BTD: variants seen among roughly 807,000 people sequenced by gnomAD.
BTD encodes biocytinase.
BTD carries 13 observed loss-of-function variants against 17.7 expected under a neutral mutation model. That is an observed-to-expected ratio of 0.74 (90% CI 0.48 to 1.17). The LOEUF (loss-of-function observed/expected upper bound fraction) is 1.17. Ranked by LOEUF, BTD falls within the 50% of genes most tolerant of loss-of-function variation. BTD has a pLI of 0.00. For missense variants in BTD, 674 were observed against 650.4 expected (o/e 1.04, Z -0.39); for synonymous variants, 240 against 245.2 (o/e 0.98, Z 0.20).
At chr3:15,614,120 TCTTTC>T (rs1204756892) in intron 1 of BTD, among the ~76,000 whole-genome samples, 4 of 142,552 alleles carry the variant, frequency 2.8e-5, no homozygotes, top group African/African-American at 1.2e-4. Flanking sequence ...CCTCTTTCTT[TCTTTC>T]TTTTTTTTTT....
At chr3:15,691,335 G>A (rs997564737) in intron 3 of BTD, among the ~76,000 whole-genome samples, 9 of 152,072 alleles carry the variant, frequency 5.9e-5, no homozygotes, top group Admixed American at 5.2e-4. Context: ...ATGTTGGCCA[G>A]GATGGTCTCG....
chr3:15,707,864 T>C (rs1205317105), intron 3 of BTD: 12 of 1,562,342 alleles, frequency 7.7e-6, no homozygotes, highest in African/African-American at 2.7e-5. Context: ...AAAACATCCA[T>C]ATGGAAGATG....
intron 4 of BTD, among the ~76,000 whole-genome samples, chr3:15,720,308 A>C (rs1575376586): frequency 6.6e-6 from 1 of 152,308 alleles, no homozygotes; most frequent in East Asian, 1.9e-4. Flanking sequence ...AGATCTGTAG[A>C]GTGAACATCC....
intron 4 of BTD, chr3:15,720,875 G>T: frequency 6.4e-7 from 1 of 1,566,004 alleles, no homozygotes; most frequent in South Asian, 1.1e-5. Flanking sequence ...TTTTAACAGT[G>T]ACATATGAAA....
chr3:15,690,888 A>G (rs1181475105), intron 3 of BTD, among the ~76,000 whole-genome samples: 1 of 152,106 alleles, frequency 6.6e-6, no homozygotes, highest in Non-Finnish European at 1.5e-5. Flanking sequence ...GTTCTTAATC[A>G]CAGTTCAGTG....
In BTD at chr3:15,644,806, T is replaced by C. The variant is rs946578169; in HGVS notation, c.890T>C (p.Leu297Pro). 1 of 1,614,102 alleles carries C rather than the reference T, an allele frequency of 6.2e-7. No individual in the cohort carries two copies. The highest frequency in any genetic ancestry group is 1.1e-5 in the South Asian group (1 of 91,084). Residue 297 changes from leucine (L) to proline (P), a missense_variant, in exon 4 of 4, where the codon CTG (leucine) becomes CCG (proline). Physicochemically the swap from Leu to Pro is moderately conservative, Grantham distance 98. Coordinates refer to ENST00000643237, the MANE Select transcript of BTD (RefSeq NM_001370658.1). ...GMTGSGIHTP[L>P]ESFWYHDMEN... ...ACAGGAAGTGGCATACACACCCCTC[T>C]GGAGTCCTTTTGGTACCATGACATG...
chr3:15,653,200 T>C lies in BTD; in HGVS notation c.*7712T>C, dbSNP rs777170308. On this transcript the variant is annotated 3_prime_UTR_variant, in exon 4 of 4. Transcript: ENST00000643237. Reference sequence around the variant, plus strand: ...ACCCCAGATCAACTTAATCGGACTCTCTGGGAGTAGGGCCCATCAATCTGT... The same window carrying C: ...ACCCCAGATCAACTTAATCGGACTCCCTGGGAGTAGGGCCCATCAATCTGT... Among the ~76,000 whole-genome samples, 1 of 152,250 alleles carries C rather than the reference T, an allele frequency of 6.6e-6. No homozygotes were observed. The highest frequency in any genetic ancestry group is 1.5e-5 in the Non-Finnish European group (1 of 68,046).
At chr3:15,690,366 G>GTTAA (rs1553589558) in intron 3 of BTD, 1 of 669,636 alleles carries the variant, frequency 1.5e-6, no homozygotes, top group Non-Finnish European at 2.4e-6. Context: ...AATTCAGGAA[G>GTTAA]TTAACTACAG....
At chr3:15,613,492 C>G (rs2125363278) in intron 1 of BTD, among the ~76,000 whole-genome samples, 2 of 152,156 alleles carry the variant, frequency 1.3e-5, no homozygotes, top group East Asian at 3.9e-4. Flanking sequence ...TTCCCCACTC[C>G]CTTCTCCCTT....
intron 3 of BTD, chr3:15,677,072 A>AT: frequency 6.2e-7 from 1 of 1,605,704 alleles, no homozygotes; most frequent in South Asian, 1.1e-5. Context: ...ATTGTGGCAG[A>AT]TAAGTTATAA....
chr3:15,637,769 C>T (rs2065390325), intron 2 of BTD, among the ~76,000 whole-genome samples: 1 of 152,238 alleles, frequency 6.6e-6, no homozygotes, highest in Non-Finnish European at 1.5e-5. Flanking sequence ...CCCCTATCCA[C>T]CGGACCATTC....
rs2065791324 is a variant in BTD, at chr3:15,650,919, G to C, written c.*5431G>C. 6.6e-6 allele frequency among the ~76,000 whole-genome samples: 1 copy of C among 152,176 alleles called. No individual in the cohort carries two copies. Among genetic ancestry groups the C allele is most frequent in the African/African-American group, 2.4e-5 (1 of 41,434 alleles). On this transcript the variant is annotated 3_prime_UTR_variant, in exon 4 of 4. Transcript: ENST00000643237. ...CGAGTAGCTGGGACTACAGGCACGT[G>C]CCACCACGCCCAGCTAATTTTTTGT...
chr3:15,645,000 G>A lies in BTD; in HGVS notation c.1084G>A (p.Glu362Lys). The change falls in exon 4 of 4, where the codon GAG becomes AAG. Residue 362 changes from glutamate to lysine, a missense_variant. Coordinates refer to ENST00000643237, the MANE Select transcript of BTD (RefSeq NM_001370658.1). ...GGATGCTCAGGAAGTCCACTGTGAT[G>A]AGGCCACCAAGTGGAACGTGAATGC... ...EKDAQEVHCDEATKWNVNAPP... is the reference protein window; with the variant it reads ...EKDAQEVHCDKATKWNVNAPP... The A allele has an allele frequency of 1.2e-6, 2 of 1,614,220 alleles. No homozygotes were observed. Among genetic ancestry groups the A allele is most frequent in the Non-Finnish European group, 1.7e-6 (2 of 1,180,044 alleles).
chr3:15,694,934 A>G (rs1219407825), intron 3 of BTD: 23 of 917,592 alleles, frequency 2.5e-5, no homozygotes, highest in Non-Finnish European at 2.6e-5. Context: ...CTTATAAAAC[A>G]TGATTATTAT....
At chr3:15,714,124 G>A (rs549686939), downstream of BTD, among the ~76,000 whole-genome samples, 9 of 152,044 alleles carry the variant, frequency 5.9e-5, no homozygotes, top group Non-Finnish European at 1.3e-4. Context: ...ACACCTAAAA[G>A]TTCTTTTGAT....
At chr3:15,616,040 CCATT>C (rs1359828581) in intron 1 of BTD, among the ~76,000 whole-genome samples, 2 of 152,162 alleles carry the variant, frequency 1.3e-5, no homozygotes, top group African/African-American at 4.8e-5. Context: ...CTTTATTAAT[CCATT>C]CACCTACTGA....
intron 1 of BTD, among the ~76,000 whole-genome samples, chr3:15,624,636 T>TG (rs2065025852): frequency 1.3e-5 from 2 of 152,142 alleles, no homozygotes; most frequent in African/African-American, 4.8e-5. Flanking sequence ...TGTTTTTTTT[T>TG]TCAGTAGAGC....
At chr3:15,638,819 C>T (rs1389800121) in intron 2 of BTD, among the ~76,000 whole-genome samples, 1 of 152,176 alleles carries the variant, frequency 6.6e-6, no homozygotes, top group African/African-American at 2.4e-5. Context: ...TAAACCTTTA[C>T]AGCATATTAC....
At chr3:15,624,586 C>T (rs2065024583) in intron 1 of BTD, among the ~76,000 whole-genome samples, 1 of 151,644 alleles carries the variant, frequency 6.6e-6, no homozygotes, top group African/African-American at 2.4e-5. Flanking sequence ...ATTTCCATCT[C>T]CCTGCTTAGA....
Sources: allele counts gnomAD v4.1 joint callset (sites outside exome capture counted in the v4.1 genomes callset), GRCh38; gene constraint gnomAD v4.1.1; transcripts MANE v1.5; gene names NCBI Gene and HGNC (gene_info 2026-07-23, HGNC 2026-07-21).